The following DPP10 variants were observed in gnomAD, a reference collection of about 807,000 sequenced individuals.
DPP10 encodes dipeptidyl peptidase like 10.
A neutral mutation model predicts 120.9 loss-of-function variants in DPP10; 33 were observed. The ratio of observed to expected loss-of-function variants is 0.27; its 90% confidence interval spans 0.21 to 0.37. The LOEUF is 0.37. Among genes scored for constraint, DPP10 ranks in the 10% least tolerant of loss-of-function variants. The pLI is 1.00. For synonymous variants in DPP10, 337 were observed against 326.1 expected (o/e 1.03, Z -0.36); for missense variants, 816 against 942.8 (o/e 0.87, Z 1.76).
chr2:115,543,614 T>G (rs1251204827), intron 5 of DPP10, among the ~76,000 whole-genome samples: 2 of 151,922 alleles, frequency 1.3e-5, no homozygotes, highest in Non-Finnish European at 2.9e-5. Flanking sequence ...TATAAACTCT[T>G]TAAAGGCAGA....
At chr2:114,481,175 G>T (rs749523406) in intron 1 of DPP10, among the ~76,000 whole-genome samples, 1 of 151,944 alleles carries the variant, frequency 6.6e-6, no homozygotes, top group African/African-American at 2.4e-5. Flanking sequence ...TGCAAACTAC[G>T]TATTCAATGA....
chr2:115,567,143 A>G (rs2081054287), intron 5 of DPP10, among the ~76,000 whole-genome samples: 1 of 151,972 alleles, frequency 6.6e-6, no homozygotes, highest in Non-Finnish European at 1.5e-5. Flanking sequence ...TTTTCAGCAC[A>G]TCTTGACTAT....
At chr2:114,964,839 G>A (rs777943915) in intron 1 of DPP10, among the ~76,000 whole-genome samples, 3 of 152,186 alleles carry the variant, frequency 2.0e-5, no homozygotes, top group African/African-American at 4.8e-5. Context: ...GAAGAGAACC[G>A]ATGGTTAAAA....
rs149296132 is a variant in DPP10 at position 115,548,969 on chromosome 2, C to T, written c.441+22997C>T. On this transcript the variant is annotated intron_variant, in intron 5 of 25. Coordinates refer to ENST00000410059, the MANE Select transcript of DPP10 (RefSeq NM_020868.6). Reference sequence around the variant, plus strand: ...ACCTATCTAACAAAGCTTGAAGCCCCGGTTATCTTTGTAGCACCATCACCA... The same window carrying T: ...ACCTATCTAACAAAGCTTGAAGCCCTGGTTATCTTTGTAGCACCATCACCA... Among the ~76,000 whole-genome samples the T allele has an allele frequency of 8.7e-3, 1,327 of 152,176 alleles. 7 individuals are homozygous for T. The highest frequency in any genetic ancestry group is 0.013 in the Non-Finnish European group (895 of 68,000).
intron 3 of DPP10, among the ~76,000 whole-genome samples, chr2:115,385,310 C>T (rs1053919090): frequency 4.6e-5 from 7 of 151,838 alleles, no homozygotes; most frequent in Non-Finnish European, 1.0e-4. Context: ...AGTCGATCAC[C>T]GTTAGACCAA....
intron 3 of DPP10, among the ~76,000 whole-genome samples, chr2:115,377,279 G>C (rs1432746452): frequency 1.3e-5 from 2 of 150,758 alleles, no homozygotes; most frequent in African/African-American, 2.4e-5. Flanking sequence ...TTGTGGTTTT[G>C]ATTTGCATTT....
intron 3 of DPP10, among the ~76,000 whole-genome samples, chr2:115,444,736 A>G (rs1490611442): frequency 6.6e-6 from 1 of 152,254 alleles, no homozygotes; most frequent in African/African-American, 2.4e-5. Flanking sequence ...TACTGCAAGT[A>G]TAGAAGTAAT....
chr2:114,560,215 G>C (rs1238553052), intron 1 of DPP10, among the ~76,000 whole-genome samples: 1 of 152,214 alleles, frequency 6.6e-6, no homozygotes, highest in Admixed American at 6.5e-5. Flanking sequence ...TGCCCTGTGG[G>C]AGTTGGGAGG....
intron 1 of DPP10, among the ~76,000 whole-genome samples, chr2:114,567,287 T>C (rs563854223): frequency 6.6e-6 from 1 of 152,206 alleles, no homozygotes; most frequent in Non-Finnish European, 1.5e-5. Flanking sequence ...GTATGCTGTC[T>C]TACAAATCTC....
At chr2:115,305,467 T>C (rs2061323393) in intron 1 of DPP10, among the ~76,000 whole-genome samples, 1 of 152,072 alleles carries the variant, frequency 6.6e-6, no homozygotes, top group Admixed American at 6.6e-5. Flanking sequence ...GTGTAGTGGC[T>C]TATGGTTTTA....
chr2:114,904,156 G>A (rs996914879), intron 1 of DPP10, among the ~76,000 whole-genome samples: 1 of 152,144 alleles, frequency 6.6e-6, no homozygotes, highest in African/African-American at 2.4e-5. Flanking sequence ...GTTTCAGTTA[G>A]ACATTAGAAA....
chr2:115,778,869 G>A (rs1339004641), intron 15 of DPP10, among the ~76,000 whole-genome samples: 1 of 151,954 alleles, frequency 6.6e-6, no homozygotes, highest in African/African-American at 2.4e-5. Flanking sequence ...TCTTAATTCT[G>A]ACTTCCAGGA....
chr2:115,836,340 T>G, intron 22 of DPP10, 84 bp downstream of exon 22: 1 of 1,394,772 alleles, frequency 7.2e-7, no homozygotes, highest in Non-Finnish European at 9.9e-7. Flanking sequence ...TCAATTGAGC[T>G]CATTTATCAT....
chr2:114,556,501 G>A (rs186613249), intron 1 of DPP10, among the ~76,000 whole-genome samples: 2 of 151,928 alleles, frequency 1.3e-5, no homozygotes, highest in African/African-American at 2.4e-5. Flanking sequence ...GAGGACACAA[G>A]TAAATAAATA....
chr2:115,838,648 G>T (rs1021474066), intron 24 of DPP10, among the ~76,000 whole-genome samples: 10 of 152,090 alleles, frequency 6.6e-5, no homozygotes, highest in African/African-American at 2.4e-4. Context: ...TCAATATGTT[G>T]TAGCTATAAA....
In DPP10 at chr2:114,989,520, A is replaced by T. The variant is rs72945847; in HGVS notation, c.61-319719A>T. ...GTTGCAGCAAGTTGTAAAGGTCTTG[A>T]TATCCTGTGTTAATACAATTGCAAC... On this transcript the variant is annotated intron_variant, in intron 1 of 25. Coordinates refer to ENST00000410059, the MANE Select transcript of DPP10 (RefSeq NM_020868.6). 5.0e-3 allele frequency among the ~76,000 whole-genome samples: 764 copies of T among 152,312 alleles called. 6 individuals carry two copies. Among genetic ancestry groups the T allele is most frequent in the African/African-American group, 0.017 (715 of 41,572 alleles).
intron 1 of DPP10, among the ~76,000 whole-genome samples, chr2:115,225,460 G>C (rs951204036): frequency 6.6e-6 from 1 of 151,088 alleles, no homozygotes; most frequent in Admixed American, 6.6e-5. Flanking sequence ...TGAGTGCTTC[G>C]AAACACTTAT....
rs57572300 is a variant in DPP10, at chr2:114,942,400, CACAT to C, written c.61-366837_61-366834del. Among the ~76,000 whole-genome samples, 763 of 99,366 alleles carry C rather than the reference CACAT, an allele frequency of 7.7e-3. 14 individuals carry two copies. Among genetic ancestry groups the C allele is most frequent in the African/African-American group, 0.027 (728 of 27,156 alleles). The allele number at this position is 99,366 out of a possible 152,430, so 65.2% of individuals were successfully genotyped here. A position where few individuals can be genotyped will look rare whatever the true frequency, so the allele number is the denominator to read the frequency against. On this transcript the variant is annotated intron_variant, in intron 1 of 25. Coordinates refer to ENST00000410059, the MANE Select transcript of DPP10 (RefSeq NM_020868.6). ...ACACATATATATATATACACACACA[CACAT>C]ATATATATATATATATATGATATCT...
chr2:115,530,335 A>C (rs1206102747), intron 5 of DPP10, among the ~76,000 whole-genome samples: 1 of 152,186 alleles, frequency 6.6e-6, no homozygotes, highest in African/African-American at 2.4e-5. Context: ...TATCCACAGC[A>C]TACAACATCA....
Sources: gnomAD v4.1 joint callset for allele counts (sites outside exome capture counted in the v4.1 genomes callset) on GRCh38, gnomAD v4.1.1 for gene constraint, MANE v1.5 for transcripts, NCBI Gene and HGNC (gene_info 2026-07-23, HGNC 2026-07-21) for gene names.